NXPE2: variants seen among roughly 807,000 people sequenced by gnomAD.
NXPE2 encodes NXPE family member 2.
In NXPE2, 34 loss-of-function variants were observed where a neutral mutation model predicts 34.4. The ratio of observed to expected loss-of-function variants is 0.99; its 90% CI spans 0.75 to 1.31. The LOEUF (loss-of-function observed/expected upper bound fraction) is 1.31. Among genes scored for constraint, NXPE2 ranks in the 40% most tolerant of loss-of-function variants. NXPE2 has a pLI of 0.00. For missense variants in NXPE2, 649 were observed against 672.5 expected (o/e 0.97, Z 0.39); for synonymous variants, 235 against 231.3 (o/e 1.02, Z -0.15).
chr11:114,478,435 T>C, the NXPE2 span, among the ~76,000 whole-genome samples: 1 of 152,188 alleles, frequency 6.6e-6, no homozygotes, highest in Non-Finnish European at 1.5e-5. Flanking sequence ...TTGCAAATTT[T>C]CTAAAGGAAA....
At chr11:114,530,968 T>G in the NXPE2 span, 1 of 1,457,512 alleles carries the variant, frequency 6.9e-7, no homozygotes, top group East Asian at 2.3e-5. Context: ...TTTTTACTTA[T>G]TATGAGTTTG....
At chr11:114,470,918 A>G in the NXPE2 span, among the ~76,000 whole-genome samples, 1 of 152,178 alleles carries the variant, frequency 6.6e-6, no homozygotes, top group African/African-American at 2.4e-5. Context: ...CAACATCTAG[A>G]CTACTGTTTG....
chr11:114,769,837 A>G, the NXPE2 span, among the ~76,000 whole-genome samples: 1 of 152,296 alleles, frequency 6.6e-6, no homozygotes, highest in Non-Finnish European at 1.5e-5. Context: ...GGAAGGGATA[A>G]CATTAGGAGA....
the NXPE2 span, among the ~76,000 whole-genome samples, chr11:114,603,882 G>A: frequency 6.6e-6 from 1 of 150,584 alleles, no homozygotes; most frequent in African/African-American, 2.5e-5. Flanking sequence ...ATTATCTGGT[G>A]GTTAATAAGT....
At chr11:114,478,455 A>G in the NXPE2 span, among the ~76,000 whole-genome samples, 1 of 152,188 alleles carries the variant, frequency 6.6e-6, no homozygotes, top group East Asian at 1.9e-4. Flanking sequence ...ATGCTCCAGG[A>G]TAAGGGAGAG....
chr11:114,584,535 G>C, the NXPE2 span: 1,729 of 166,084 alleles, frequency 0.01, 13 homozygotes, highest in Non-Finnish European at 0.016. Flanking sequence ...TGAGGAGGGA[G>C]AGCGTGGCTG....
chr11:114,615,214 C>G, the NXPE2 span, among the ~76,000 whole-genome samples: 8 of 149,126 alleles, frequency 5.4e-5, no homozygotes, highest in African/African-American at 2.0e-4. Context: ...CCGGTGGATA[C>G]TAAGTATCGC....
intron 2 of NXPE2, among the ~76,000 whole-genome samples, chr11:114,692,825 G>C (rs1015953464): frequency 6.7e-6 from 1 of 150,220 alleles, no homozygotes; most frequent in Non-Finnish European, 1.5e-5. Flanking sequence ...TTTTTGTTTT[G>C]AGATAGAGTT....
the NXPE2 span, among the ~76,000 whole-genome samples, chr11:114,549,321 T>C: frequency 4.6e-5 from 7 of 152,194 alleles, no homozygotes; most frequent in East Asian, 1.2e-3. Flanking sequence ...CCAAGAACTT[T>C]AGATTTATGA....
the NXPE2 span, among the ~76,000 whole-genome samples, chr11:114,534,827 G>A: frequency 1.3e-5 from 2 of 152,188 alleles, no homozygotes; most frequent in Non-Finnish European, 2.9e-5. Context: ...AAAGTGACGG[G>A]GAGAATGGAA....
the NXPE2 span, among the ~76,000 whole-genome samples, chr11:114,594,933 C>T: frequency 2.0e-5 from 3 of 152,118 alleles, no homozygotes; most frequent in East Asian, 1.9e-4. Flanking sequence ...TACTTGGTAT[C>T]TCCCAGGTGC....
the NXPE2 span, among the ~76,000 whole-genome samples, chr11:114,620,640 A>T: frequency 6.6e-5 from 10 of 151,902 alleles, no homozygotes; most frequent in African/African-American, 2.4e-4. Context: ...CTCTAGAGTA[A>T]CCCAGTGGAT....
the NXPE2 span, among the ~76,000 whole-genome samples, chr11:114,536,311 A>G: frequency 6.6e-6 from 1 of 152,246 alleles, no homozygotes; most frequent in Non-Finnish European, 1.5e-5. Flanking sequence ...ATAGCACTAA[A>G]TGCCCACAAG....
chr11:114,775,885 A>AAC, the NXPE2 span, among the ~76,000 whole-genome samples: 4 of 147,596 alleles, frequency 2.7e-5, no homozygotes, highest in East Asian at 3.9e-4. Flanking sequence ...AAAACGAAAA[A>AAC]AAAAAACAAA....
At chr11:114,742,682 C>T in the NXPE2 span, among the ~76,000 whole-genome samples, 1 of 144,506 alleles carries the variant, frequency 6.9e-6, no homozygotes, top group Non-Finnish European at 1.5e-5. Flanking sequence ...CTCATACTTC[C>T]ATGATGGTAT....
At chr11:114,481,016 T>A in the NXPE2 span, among the ~76,000 whole-genome samples, 4 of 152,116 alleles carry the variant, frequency 2.6e-5, no homozygotes, top group Non-Finnish European at 4.4e-5. Flanking sequence ...GAGTTATGAT[T>A]GGATTTGTCG....
chr11:114,530,607 T>C, the NXPE2 span: 15 of 1,614,124 alleles, frequency 9.3e-6, no homozygotes, highest in East Asian at 3.3e-4. Flanking sequence ...ATCCCCACCA[T>C]ATTGCTTCCT....
chr11:114,644,374 T>A, the NXPE2 span, among the ~76,000 whole-genome samples: 10 of 152,182 alleles, frequency 6.6e-5, no homozygotes, highest in African/African-American at 2.4e-4. Flanking sequence ...CCATTCAGTA[T>A]GATATTGGCT....
chr11:114,528,465 C>T, the NXPE2 span, among the ~76,000 whole-genome samples: 2 of 152,164 alleles, frequency 1.3e-5, no homozygotes, highest in South Asian at 2.1e-4. Flanking sequence ...TCCACATTTC[C>T]TGCTATGATT....
Sources: gnomAD v4.1 joint callset for allele counts (sites outside exome capture counted in the v4.1 genomes callset) on GRCh38, gnomAD v4.1.1 for gene constraint, MANE v1.5 for transcripts, NCBI Gene and HGNC (gene_info 2026-07-23, HGNC 2026-07-21) for gene names.